Variants in NPSR1 observed in about 807,000 individuals in gnomAD.
NPSR1 encodes the protein neuropeptide S receptor 1.
In NPSR1, 48 loss-of-function variants were observed where a neutral mutation model predicts 46.9. The observed-to-expected ratio is 1.02, with a 90% confidence interval of 0.81 to 1.30. The LOEUF (loss-of-function observed/expected upper bound fraction) is 1.30, where lower values mean the gene tolerates loss of function less well. Ranked by LOEUF, NPSR1 falls within the 50% of genes most tolerant of loss-of-function variation. The pLI, the probability that NPSR1 is intolerant of heterozygous loss-of-function variation, is 0.00. For synonymous variants in NPSR1, 176 were observed against 168.1 expected (o/e 1.05, Z -0.36); for missense variants, 450 against 449.5 (o/e 1.00, Z -0.01).
chr7:34,715,410 T>A (rs952088121), intron 2 of NPSR1, among the ~76,000 whole-genome samples: 3 of 152,204 alleles, frequency 2.0e-5, no homozygotes, highest in African/African-American at 7.2e-5. Flanking sequence ...AACCCTCACC[T>A]TGGCACCTCT....
At chr7:34,743,864 T>G (rs1009873322) in intron 2 of NPSR1, among the ~76,000 whole-genome samples, 2 of 152,180 alleles carry the variant, frequency 1.3e-5, no homozygotes, top group Admixed American at 1.3e-4. Flanking sequence ...CTTTCCTGTA[T>G]GTTTTAGTTT....
intron 2 of NPSR1, among the ~76,000 whole-genome samples, chr7:34,692,141 C>T (rs906563240): frequency 1.4e-4 from 21 of 151,610 alleles, no homozygotes; most frequent in Admixed American, 2.0e-4. Context: ...CAAAACAAAA[C>T]GAAACAAAAT....
At chr7:34,772,690 G>C (rs740347) in intron 2 of NPSR1, among the ~76,000 whole-genome samples, 17,101 of 152,154 alleles carry the variant, frequency 0.11, 1,119 homozygotes, top group Middle Eastern at 0.16. Flanking sequence ...GGGCACCCTA[G>C]AGCATAAATA....
rs11350158 is a variant in NPSR1 at position 34,680,940 on chromosome 7, GTT to G, written c.148-3599_148-3598del. Reference sequence around the variant, plus strand: ...GAAGGGCTTTCTGGTGTTGATAAAGGTTTTTTTTTTTTTTAATGATGTTGGTA... The same window carrying G: ...GAAGGGCTTTCTGGTGTTGATAAAGGTTTTTTTTTTTTAATGATGTTGGTA... On this transcript the variant is annotated intron_variant, in intron 1 of 8. Transcript: ENST00000360581. Among the ~76,000 whole-genome samples the G allele has an allele frequency of 3.0e-3, 429 of 144,510 alleles. 2 individuals are homozygous for G. Among genetic ancestry groups the G allele is most frequent in the African/African-American group, 9.9e-3 (393 of 39,870 alleles). The allele number at this position is 144,510 out of a possible 152,430, so 94.8% of individuals were successfully genotyped here. A position where few individuals can be genotyped will look rare whatever the true frequency, so the allele number is the denominator to read the frequency against.
At chr7:34,776,641 T>C (rs2128735905) in intron 2 of NPSR1, among the ~76,000 whole-genome samples, 1 of 152,274 alleles carries the variant, frequency 6.6e-6, no homozygotes, top group South Asian at 2.1e-4. Context: ...GATCATTGAA[T>C]CCCTTTTGTT....
chr7:34,802,811 T>C (rs1788486583), intron 3 of NPSR1, among the ~76,000 whole-genome samples: 1 of 150,362 alleles, frequency 6.7e-6, no homozygotes, highest in Admixed American at 6.6e-5. Context: ...TTTTGCAACC[T>C]ACTCATCTGA....
chr7:34,767,244 A>G (rs370925684), intron 2 of NPSR1, among the ~76,000 whole-genome samples: 26 of 152,238 alleles, frequency 1.7e-4, no homozygotes, highest in African/African-American at 5.8e-4. Flanking sequence ...GGTAGAGCGT[A>G]CATGGGAAAC....
At chr7:34,751,562 C>A in intron 2 of NPSR1, 1 of 1,596,136 alleles carries the variant, frequency 6.3e-7, no homozygotes. Flanking sequence ...TCCTTGGGAT[C>A]TTTGGTCTTG....
intron 6 of NPSR1, among the ~76,000 whole-genome samples, chr7:34,837,417 A>C (rs1350160232): frequency 6.6e-6 from 1 of 152,232 alleles, no homozygotes; most frequent in Non-Finnish European, 1.5e-5. Flanking sequence ...AGTCAGAGGG[A>C]CAGATGGAGC....
At chr7:34,740,563 C>G (rs1314320757) in intron 2 of NPSR1, among the ~76,000 whole-genome samples, 1 of 152,178 alleles carries the variant, frequency 6.6e-6, no homozygotes, top group African/African-American at 2.4e-5. Context: ...ACCCACAGAG[C>G]CCACAGGGCT....
At chr7:34,853,152 A>G (rs765321391), downstream of NPSR1, among the ~76,000 whole-genome samples, 4 of 152,208 alleles carry the variant, frequency 2.6e-5, no homozygotes, top group South Asian at 2.1e-4. Context: ...AAAATTCTGT[A>G]TACTCATATA....
In NPSR1 at chr7:34,787,396, T is replaced by A. The variant is rs975996834; in HGVS notation, c.384+8831T>A. On this transcript the variant is annotated intron_variant, in intron 3 of 8. Transcript: ENST00000360581. ...CTTAATGTTGCAACTAGTTTGATCA[T>A]ATATCCAGACCACTAAAACTTTCTC... Among the ~76,000 whole-genome samples, 9 of 152,280 alleles carry A rather than the reference T, an allele frequency of 5.9e-5. No homozygotes were observed. In the South Asian group the frequency reaches 6.2e-4, roughly 11 times the overall value.
intron 2 of NPSR1, among the ~76,000 whole-genome samples, chr7:34,749,609 T>C (rs1785402296): frequency 6.6e-6 from 1 of 152,166 alleles, no homozygotes; most frequent in African/African-American, 2.4e-5. Context: ...TCAAAATAAT[T>C]CACATCTTCC....
chr7:34,849,186 G>C, intron 8 of NPSR1: 1 of 649,566 alleles, frequency 1.5e-6, no homozygotes, highest in South Asian at 1.8e-5. Context: ...GGAGATACAA[G>C]AGGAGAATGA....
At chr7:34,811,166 C>A (rs1788968138) in intron 3 of NPSR1, among the ~76,000 whole-genome samples, 1 of 152,116 alleles carries the variant, frequency 6.6e-6, no homozygotes, top group Admixed American at 6.5e-5. Flanking sequence ...TGTCCTCGTC[C>A]ATAGGCCAGG....
At chr7:34,755,895 C>T (rs766106729) in intron 2 of NPSR1, among the ~76,000 whole-genome samples, 1 of 152,162 alleles carries the variant, frequency 6.6e-6, no homozygotes, top group African/African-American at 2.4e-5. Context: ...CCAAATTACT[C>T]AAAGCCATAG....
intron 3 of NPSR1, among the ~76,000 whole-genome samples, chr7:34,785,408 C>T (rs1207931251): frequency 6.8e-6 from 1 of 148,102 alleles, no homozygotes; most frequent in Non-Finnish European, 1.5e-5. Flanking sequence ...GGAGGGATAG[C>T]ATTAGGAGAT....
rs777153681 is a variant in NPSR1, at chr7:34,834,366, C to G, written c.681-18C>G. 1 of 1,605,436 alleles carries G rather than the reference C, an allele frequency of 6.2e-7. No homozygotes were observed. The highest frequency in any genetic ancestry group is 8.5e-7 in the Non-Finnish European group (1 of 1,172,406). ...GATCCACCAGTCACTTTAATACTAC[C>G]TTTGGTTCTTTCTGCAGCATCATGT... is the stretch of plus-strand genomic sequence containing the variant. On this transcript the variant is annotated intron_variant, in intron 5 of 8. Coordinates refer to ENST00000360581, the MANE Select transcript of NPSR1 (RefSeq NM_207172.2).
intron 2 of NPSR1, among the ~76,000 whole-genome samples, chr7:34,777,705 G>A (rs997955817): frequency 2.0e-5 from 3 of 152,074 alleles, no homozygotes; most frequent in African/African-American, 7.2e-5. Flanking sequence ...AAAGATTCTG[G>A]ATTACGTGAT....
Sources: gnomAD v4.1 joint callset for allele counts (sites outside exome capture counted in the v4.1 genomes callset) on GRCh38, gnomAD v4.1.1 for gene constraint, MANE v1.5 for transcripts, NCBI Gene and HGNC (gene_info 2026-07-23, HGNC 2026-07-21) for gene names.